The following MTHFSD variants were observed in gnomAD, a reference collection of about 807,000 sequenced individuals.
The protein encoded by MTHFSD is methenyltetrahydrofolate synthase domain-containing protein.
In MTHFSD, 37 loss-of-function variants were observed where a neutral mutation model predicts 31.1. The ratio of observed to expected loss-of-function variants is 1.19; its 90% CI spans 0.91 to 1.56. The LOEUF (loss-of-function observed/expected upper bound fraction) is 1.56, where lower values mean the gene tolerates loss of function less well. Ranked by LOEUF, MTHFSD falls within the 40% of genes most tolerant of loss-of-function variation. MTHFSD has a pLI of 0.00. For synonymous variants in MTHFSD, 221 were observed against 206.9 expected, an observed-to-expected ratio of 1.07 and a Z score of -0.59; for missense variants, 664 against 510.1, an observed-to-expected ratio of 1.30 and a Z score of -2.91.
intron 7 of MTHFSD, chr16:86,535,410 T>G: frequency 6.1e-6 from 6 of 985,392 alleles, no homozygotes; most frequent in Non-Finnish European, 7.2e-6. Context: ...GAAAGCCTCC[T>G]GTGTGCCAGC....
rs529813312 is a variant in MTHFSD at position 86,534,905 on chromosome 16, C to T, written c.682-2424G>A. On this transcript the variant is annotated intron_variant, in intron 7 of 7. Coordinates refer to ENST00000360900, the MANE Select transcript of MTHFSD (RefSeq NM_001159377.2). ...TTCTGATGGGGTCCATCGGGAGCTGCGCCAGCCCAGTCTCCTGCCTCCTGA... is the reference window on the plus strand; with the variant it reads ...TTCTGATGGGGTCCATCGGGAGCTGTGCCAGCCCAGTCTCCTGCCTCCTGA... Among the ~76,000 whole-genome samples, 8 of 152,280 alleles carry T rather than the reference C, an allele frequency of 5.3e-5. No homozygotes were observed. The East Asian group carries it at 1.4e-3, about 26-fold the overall frequency.
intron 3 of MTHFSD, among the ~76,000 whole-genome samples, chr16:86,549,390 A>G (rs978112015): frequency 2.0e-5 from 3 of 152,258 alleles, no homozygotes; most frequent in Non-Finnish European, 4.4e-5. Context: ...TTAGTTTTTG[A>G]GCAGGAGATG....
At position 86,554,555 on chromosome 16, in the gene MTHFSD, C is replaced by T; in HGVS notation, c.123+90G>A. On this transcript the variant is annotated intron_variant, in intron 2 of 7. Transcript: ENST00000360900. ...TCACTGCTCGCCACATTCTCATCCA[C>T]CATGACGCAGTAAGAGAATTTTATT... 9 of 1,021,494 alleles carry T rather than the reference C, an allele frequency of 8.8e-6. No individual in the cohort carries two copies. The East Asian group carries it at 1.2e-4, about 14-fold the overall frequency. 63.3% of individuals were successfully genotyped at this position (1,021,494 alleles called of 1,614,324 possible).
At position 86,540,944 on chromosome 16, in the gene MTHFSD, G is replaced by C. The variant is rs1041760756; in HGVS notation, c.681+753C>G. ...GTGGCAAAAGCAGCAGGTATTCTGTGTTCATCCTTAGAGGTGATGTTGTTA... is the reference window on the plus strand; with the variant it reads ...GTGGCAAAAGCAGCAGGTATTCTGTCTTCATCCTTAGAGGTGATGTTGTTA... On this transcript the variant is annotated intron_variant, in intron 7 of 7. Transcript: ENST00000360900. The C allele has an allele frequency of 4.3e-6, 5 of 1,150,552 alleles. No individual in the cohort carries two copies. The African/African-American group carries it at 6.4e-5, about 15-fold the overall frequency. The allele number at this position is 1,150,552 out of a possible 1,614,324, so 71.3% of individuals were successfully genotyped here.
chr16:86,546,925 T>C (rs1436882327), intron 4 of MTHFSD, among the ~76,000 whole-genome samples: 2 of 152,200 alleles, frequency 1.3e-5, no homozygotes, highest in Non-Finnish European at 2.9e-5. Flanking sequence ...CAAATCGTTT[T>C]TCCCCATAAG....
chr16:86,533,543 T>G (rs1970259942), intron 7 of MTHFSD: 1 of 152,246 alleles, frequency 6.6e-6, no homozygotes, highest in South Asian at 2.1e-4. Flanking sequence ...GCACATGAGC[T>G]AGACAACTGT....
At chr16:86,547,119 T>C in intron 4 of MTHFSD, 1 of 959,988 alleles carries the variant, frequency 1.0e-6, no homozygotes, top group Non-Finnish European at 1.2e-6. Context: ...AACGTATGCA[T>C]TTAGCACATA....
At chr16:86,537,520 G>T (rs1312797976) in intron 7 of MTHFSD, among the ~76,000 whole-genome samples, 1 of 152,030 alleles carries the variant, frequency 6.6e-6, no homozygotes, top group Non-Finnish European at 1.5e-5. Flanking sequence ...AAATTATCAG[G>T]TCAAATACAG....
chr16:86,552,574 A>C (rs1187933320), intron 2 of MTHFSD, among the ~76,000 whole-genome samples: 1 of 152,200 alleles, frequency 6.6e-6, no homozygotes, highest in Non-Finnish European at 1.5e-5. Flanking sequence ...ACCACCACCA[A>C]AATCAAGCAG....
At chr16:86,549,250 C>A (rs1045587812) in intron 3 of MTHFSD, among the ~76,000 whole-genome samples, 5 of 152,208 alleles carry the variant, frequency 3.3e-5, no homozygotes, top group African/African-American at 1.2e-4. Context: ...CTTCGATGAG[C>A]CTTCCAGTGA....
At chr16:86,551,995 C>T (rs746111380) in intron 3 of MTHFSD, 38 bp downstream of exon 3, 12 of 1,611,814 alleles carry the variant, frequency 7.4e-6, no homozygotes, top group African/African-American at 2.7e-5. Flanking sequence ...TCCCCCTTGG[C>T]GGCCAGGTCT....
chr16:86,539,529 G>A (rs1971188222), intron 7 of MTHFSD, among the ~76,000 whole-genome samples: 1 of 152,214 alleles, frequency 6.6e-6, no homozygotes, highest in Admixed American at 6.5e-5. Context: ...AGAGTGTGTT[G>A]GAAGTTACAG....
chr16:86,541,285 C>A (rs1416573582), intron 7 of MTHFSD: 13 of 1,034,180 alleles, frequency 1.3e-5, no homozygotes, highest in Non-Finnish European at 1.6e-5. Flanking sequence ...AGATCCAGAT[C>A]GTCAGTAAAA....
chr16:86,546,867 AG>A (rs1972390346), intron 4 of MTHFSD, among the ~76,000 whole-genome samples: 1 of 152,238 alleles, frequency 6.6e-6, no homozygotes, highest in Non-Finnish European at 1.5e-5. Context: ...GGCGGCCAAG[AG>A]GAACTCACAG....
Position 86,552,275 on chromosome 16 carries a change from G to A in MTHFSD, c.124-129C>T, listed in dbSNP as rs748692040. On this transcript the variant is annotated intron_variant, in intron 2 of 7. Coordinates refer to ENST00000360900, the MANE Select transcript of MTHFSD (RefSeq NM_001159377.2). ...ACGCCTGCAAGCGTGGGAGTTGCTC[G>A]GCAGCATGAGAAGCGCCCTGTTTCC... The A allele has an allele frequency of 1.1e-5, 17 of 1,589,978 alleles. No homozygotes were observed. The African/African-American group carries it at 1.1e-4, about 10-fold the overall frequency.
At chr16:86,547,458 TG>T in intron 4 of MTHFSD, 3 of 986,150 alleles carry the variant, frequency 3.0e-6, no homozygotes, top group Non-Finnish European at 3.6e-6. Flanking sequence ...ACGGGTGGCT[TG>T]GGGGTCTCCC....
In MTHFSD at chr16:86,554,733, T is replaced by G. The variant is rs749612090; in HGVS notation, c.35A>C (p.Asp12Ala). ...GTAGCCCCAAATTTGTTCACGTATGTCCTGTTTGGAGACACCTACTGCAAC... is the reference window on the plus strand; with the variant it reads ...GTAGCCCCAAATTTGTTCACGTATGGCCTGTTTGGAGACACCTACTGCAAC... The part of the protein sequence containing the change: ...EPRAVGVSKQ[D>A]IREQIWGYME... Residue 12 changes from aspartate to alanine, a missense_variant, in exon 2 of 8, where the codon GAC becomes GCC. Asp to Ala is a moderately radical substitution (Grantham distance 126). Transcript: ENST00000360900. 2 of 1,614,068 alleles carry G rather than the reference T, an allele frequency of 1.2e-6. No homozygotes were observed. The highest frequency in any genetic ancestry group is 1.7e-6 in the Non-Finnish European group (2 of 1,179,908).
Position 86,542,282 on chromosome 16 carries a change from A to G in MTHFSD, c.443-69T>C, listed in dbSNP as rs762862760. 2 of 1,328,312 alleles carry G rather than the reference A, an allele frequency of 1.5e-6. No individual in the cohort carries two copies. Among genetic ancestry groups the G allele is most frequent in the African/African-American group, 1.5e-5 (1 of 68,434 alleles). The allele number at this position is 1,328,312 out of a possible 1,614,324, so 82.3% of individuals were successfully genotyped here. On this transcript the variant is annotated intron_variant, in intron 5 of 7. Transcript: ENST00000360900. The surrounding 1 kb of genome is among the most constrained non-coding windows in gnomAD (Gnocchi z 4.6). The stretch of plus-strand genomic sequence containing the variant: ...ATCGCTGAGAAGTGGATTTTCCATC[A>G]GGTCCAGTGGAAGAAGAAACTTGAA...
At chr16:86,554,889 G>T (rs954717481) in intron 1 of MTHFSD, 138 bp from the exon 2 acceptor site, 3 of 1,041,734 alleles carry the variant, frequency 2.9e-6, no homozygotes, top group Non-Finnish European at 4.1e-6. Flanking sequence ...CAGTTTCCCC[G>T]ACCTCAAGGG....
Sources: allele counts gnomAD v4.1 joint callset (sites outside exome capture counted in the v4.1 genomes callset), GRCh38; gene constraint gnomAD v4.1.1; non-coding constraint Gnocchi (gnomAD v3.1); transcripts MANE v1.5; gene names NCBI Gene and HGNC (gene_info 2026-07-23, HGNC 2026-07-21).